The following RPS6KC1 variants were observed in gnomAD, a reference collection of about 807,000 sequenced individuals.
RPS6KC1 encodes the protein inactive ribosomal protein S6 kinase delta-1.
Under a neutral mutation model 103.8 loss-of-function variants are expected in RPS6KC1, and 54 were observed. The observed-to-expected ratio is 0.52, with a 90% CI of 0.42 to 0.65. The LOEUF (loss-of-function observed/expected upper bound fraction) is 0.65. RPS6KC1 is among the 30% of genes least tolerant of loss of function. The probability of loss-of-function intolerance (pLI) is 0.00; values close to 1 mark genes in which losing one functional copy is unlikely to be tolerated. For synonymous variants in RPS6KC1, 439 were observed against 438.7 expected, an observed-to-expected ratio of 1.00 and a Z score of -0.01; for missense variants, 1,151 against 1,253.8, an observed-to-expected ratio of 0.92 and a Z score of 1.24.
At chr1:213,831,873 G>A in the RPS6KC1 span, among the ~76,000 whole-genome samples, 4 of 152,150 alleles carry the variant, frequency 2.6e-5, no homozygotes, top group Non-Finnish European at 5.9e-5. Context: ...TATGAGCCAA[G>A]ACAGTGTCAG....
chr1:213,490,217 CA>C, the RPS6KC1 span, among the ~76,000 whole-genome samples: 1 of 152,286 alleles, frequency 6.6e-6, no homozygotes, highest in Non-Finnish European at 1.5e-5. Flanking sequence ...CTTCTATTTC[CA>C]TTAATGTCCT....
the RPS6KC1 span, among the ~76,000 whole-genome samples, chr1:213,521,672 G>A: frequency 3.3e-5 from 5 of 152,198 alleles, no homozygotes; most frequent in East Asian, 9.6e-4. Flanking sequence ...TTAAATTCTT[G>A]TTGTTATTTC....
chr1:213,168,423 G>T (rs1443813409), intron 7 of RPS6KC1, among the ~76,000 whole-genome samples: 1 of 152,134 alleles, frequency 6.6e-6, no homozygotes, highest in Non-Finnish European at 1.5e-5. Flanking sequence ...TATGTTATTT[G>T]GGACTTCTGC....
the RPS6KC1 span, among the ~76,000 whole-genome samples, chr1:213,293,833 A>G: frequency 8.5e-5 from 13 of 152,198 alleles, no homozygotes; most frequent in Non-Finnish European, 1.5e-4. Context: ...TTATGTAGGA[A>G]CTGAGTAATG....
At chr1:213,317,369 G>C in the RPS6KC1 span, among the ~76,000 whole-genome samples, 2 of 152,158 alleles carry the variant, frequency 1.3e-5, no homozygotes, top group Admixed American at 1.3e-4. Flanking sequence ...TAAGAAAAAG[G>C]TAGGTCCACT....
the RPS6KC1 span, among the ~76,000 whole-genome samples, chr1:213,417,175 A>G: frequency 2.0e-5 from 3 of 151,992 alleles, no homozygotes; most frequent in Admixed American, 6.5e-5. Context: ...CCTTTCTTTC[A>G]TTCGCCGGGC....
the RPS6KC1 span, among the ~76,000 whole-genome samples, chr1:213,830,672 T>TAAA: frequency 5.5e-5 from 7 of 127,734 alleles, no homozygotes; most frequent in Non-Finnish European, 6.7e-5. Flanking sequence ...TCACATTCTT[T>TAAA]AAAAAAAAAA....
At chr1:213,754,884 A>G in the RPS6KC1 span, among the ~76,000 whole-genome samples, 1 of 152,244 alleles carries the variant, frequency 6.6e-6, no homozygotes, top group African/African-American at 2.4e-5. Flanking sequence ...CCTGTCTGGC[A>G]TTTCAGAAAT....
intron 3 of RPS6KC1, among the ~76,000 whole-genome samples, chr1:213,092,000 C>T (rs549992444): frequency 2.0e-5 from 3 of 150,072 alleles, no homozygotes; most frequent in Non-Finnish European, 4.4e-5. Context: ...ATATTATACT[C>T]GTAATCATTA....
At position 213,051,270 on chromosome 1, in the gene RPS6KC1, CGCCGCCGTGGA is replaced by C; in HGVS notation, c.-128_-118del. 1.6e-6 allele frequency: 1 copy of C among 634,790 alleles called. No individual in the cohort carries two copies. The highest frequency in any genetic ancestry group is 2.8e-6 in the Non-Finnish European group (1 of 360,644). 39.3% of individuals were successfully genotyped at this position (634,790 alleles called of 1,614,324 possible). On this transcript the variant is annotated 5_prime_UTR_variant, in exon 1 of 15. Coordinates refer to ENST00000366960, the MANE Select transcript of RPS6KC1 (RefSeq NM_012424.6). The stretch of plus-strand genomic sequence containing the variant: ...CGGAAGCAGAGCTGTGCAGCTGAGG[CGCCGCCGTGGA>C]GCCGCCTTGGAGCCACCGCCCCCTC...
chr1:213,691,079 A>C, the RPS6KC1 span, among the ~76,000 whole-genome samples: 1 of 152,056 alleles, frequency 6.6e-6, no homozygotes, highest in East Asian at 1.9e-4. Context: ...TTTCTTACAA[A>C]CTGAGCCTGC....
Position 213,240,824 on chromosome 1 carries a change from C to T in RPS6KC1, c.1348C>T (p.Pro450Ser), listed in dbSNP as rs2094333403. The T allele has an allele frequency of 6.2e-7, 1 of 1,613,776 alleles. No homozygotes were observed. Among genetic ancestry groups the T allele is most frequent in the Non-Finnish European group, 8.5e-7 (1 of 1,179,914 alleles). ...KVHLQQPTSSPQDSSSFESRG... is the reference protein window; with the variant it reads ...KVHLQQPTSSSQDSSSFESRG... ...TCACCTGCAGCAGCCAACTTCTAGT[C>T]CTCAGGACAGCAGTAGCTTTGAATC... Residue 450 changes from proline to serine, a missense_variant, in exon 11 of 15, where the codon CCT (proline) becomes TCT (serine). Around this residue, in one of 3 missense-constraint regions of RPS6KC1, gnomAD observed 959 missense variants for 1,006.3 expected, o/e 0.95. Transcript: ENST00000366960.
At chr1:213,850,253 C>G in the RPS6KC1 span, among the ~76,000 whole-genome samples, 1 of 152,118 alleles carries the variant, frequency 6.6e-6, no homozygotes, top group Non-Finnish European at 1.5e-5. Flanking sequence ...AATCTTAAAT[C>G]CTATCAAGGT....
the RPS6KC1 span, among the ~76,000 whole-genome samples, chr1:213,709,797 C>T: frequency 5.9e-5 from 9 of 152,136 alleles, no homozygotes; most frequent in South Asian, 4.1e-4. Flanking sequence ...ATTCAGGAGC[C>T]GGTTGTTCAG....
the RPS6KC1 span, among the ~76,000 whole-genome samples, chr1:213,697,798 C>T: frequency 6.6e-6 from 1 of 152,184 alleles, no homozygotes; most frequent in South Asian, 2.1e-4. Context: ...CTCTTCTTCC[C>T]TGCCACCCAT....
the RPS6KC1 span, among the ~76,000 whole-genome samples, chr1:213,592,466 T>C: frequency 6.6e-6 from 1 of 152,310 alleles, no homozygotes; most frequent in African/African-American, 2.4e-5. Context: ...TGGCCTGTAG[T>C]CTTGTGAGGC....
the RPS6KC1 span, among the ~76,000 whole-genome samples, chr1:213,529,202 G>T: frequency 0.64 from 96,805 of 151,196 alleles, 33,283 homozygotes; most frequent in East Asian, 0.98. Context: ...AGATAATGGG[G>T]AGGGGGATTT....
chr1:213,145,321 G>A (rs1558410656), intron 6 of RPS6KC1, among the ~76,000 whole-genome samples: 1 of 152,138 alleles, frequency 6.6e-6, no homozygotes, highest in Non-Finnish European at 1.5e-5. Context: ...TTCTCTCTGA[G>A]TTAAGAAGAT....
At chr1:213,554,633 T>C in the RPS6KC1 span, among the ~76,000 whole-genome samples, 2 of 152,222 alleles carry the variant, frequency 1.3e-5, no homozygotes, top group Non-Finnish European at 2.9e-5. Context: ...TCTATCTCCA[T>C]GTTGCGTGTT....
Sources: allele counts gnomAD v4.1 joint callset (sites outside exome capture counted in the v4.1 genomes callset), GRCh38; gene constraint gnomAD v4.1.1; regional missense constraint gnomAD v4.1.1; transcripts MANE v1.5; gene names NCBI Gene and HGNC (gene_info 2026-07-23, HGNC 2026-07-21).